Variants in KDM1B observed in about 807,000 individuals in gnomAD.
KDM1B encodes lysine-specific histone demethylase 2.
In KDM1B, 63 loss-of-function variants were observed where a neutral mutation model predicts 107.4. The ratio of observed to expected loss-of-function variants is 0.59; its 90% CI spans 0.48 to 0.72. KDM1B has a LOEUF of 0.72. Ranked by LOEUF, KDM1B falls within the 30% of genes least tolerant of loss-of-function variation. The probability of loss-of-function intolerance (pLI) is 0.00; values close to 1 mark genes in which losing one functional copy is unlikely to be tolerated. For synonymous variants in KDM1B, 363 were observed against 363.9 expected (o/e 1.00, Z 0.03); for missense variants, 749 against 1,020.8 (o/e 0.73, Z 3.63).
At chr6:18,210,342 CTTTTTTTTTT>C (rs533016543) in intron 17 of KDM1B, among the ~76,000 whole-genome samples, 8 of 70,012 alleles carry the variant, frequency 1.1e-4, no homozygotes, top group African/African-American at 1.6e-4. Context: ...TCTTTCTTTT[CTTTTTTTTTT>C]TTTTTTTTTT....
At position 18,206,199 on chromosome 6, in the gene KDM1B, G is replaced by GT. The variant is rs1408945345; in HGVS notation, c.1659+536dup. ...AGAAACTCTTCTTCAGATAATGCTT[G>GT]TGAAAGAAGCTCAATACGTAAAAAC... On this transcript the variant is annotated intron_variant, in intron 15 of 21. Transcript: ENST00000650836. 2.0e-5 allele frequency among the ~76,000 whole-genome samples: 3 copies of GT among 148,230 alleles called. No individual in the cohort carries two copies. In the South Asian group the frequency reaches 6.6e-4, roughly 32 times the overall value.
rs1784850425 is a variant in KDM1B at position 18,159,776 on chromosome 6, GCAATCTGA to G, written c.-13-104_-13-97del. The G allele has an allele frequency of 1.5e-6, 1 of 645,630 alleles. No individual in the cohort carries two copies. Among genetic ancestry groups the G allele is most frequent in the African/African-American group, 1.9e-5 (1 of 52,956 alleles). The allele number at this position is 645,630 out of a possible 1,614,324, so 40.0% of individuals were successfully genotyped here. Reference sequence around the variant, plus strand: ...AAGAAAACTGTAGCTTTGTATTTAGGCAATCTGACATACATTCTTACCTACCAAAGTGT... The same window carrying G: ...AAGAAAACTGTAGCTTTGTATTTAGGCATACATTCTTACCTACCAAAGTGT... On this transcript the variant is annotated intron_variant, in intron 2 of 21. Transcript: ENST00000650836. This position sits in a 1 kb window ranked among gnomAD's most constrained non-coding sequence, Gnocchi z 4.5.
chr6:18,165,426 C>T (rs747026073), intron 5 of KDM1B, among the ~76,000 whole-genome samples: 5 of 152,012 alleles, frequency 3.3e-5, no homozygotes, highest in Non-Finnish European at 2.9e-5. Flanking sequence ...CACCGTACCC[C>T]GCCGCCTTCT....
intron 7 of KDM1B, among the ~76,000 whole-genome samples, chr6:18,178,072 AATTG>A (rs772415493): frequency 1.4e-4 from 22 of 151,942 alleles, no homozygotes; most frequent in African/African-American, 2.9e-4. Flanking sequence ...TTGTAGATAA[AATTG>A]ATTGATTGAT....
chr6:18,187,030 T>C (rs928103080), intron 8 of KDM1B, among the ~76,000 whole-genome samples: 1 of 150,612 alleles, frequency 6.6e-6, no homozygotes, highest in African/African-American at 2.5e-5. Context: ...AATAGACATT[T>C]TTTTTTTCCC....
At chr6:18,219,865 T>C (rs991064552) in intron 21 of KDM1B, among the ~76,000 whole-genome samples, 11 of 152,248 alleles carry the variant, frequency 7.2e-5, no homozygotes, top group Non-Finnish European at 1.6e-4. Context: ...GGAAGCTTCA[T>C]TGTTAGTTAT....
At position 18,204,765 on chromosome 6, in the gene KDM1B, C is replaced by T. The variant is rs1394771275; in HGVS notation, c.1532-772C>T. On this transcript the variant is annotated intron_variant, in intron 14 of 21. Transcript: ENST00000650836. The surrounding 1 kb of genome is among the most constrained non-coding windows in gnomAD (Gnocchi z 4.9). ...GAGAAATTCTGGGGGCTTGCCACGGCCCGGTGATGCCCGACTATAAAGAAT... is the reference window on the plus strand; with the variant it reads ...GAGAAATTCTGGGGGCTTGCCACGGTCCGGTGATGCCCGACTATAAAGAAT... 6.6e-6 allele frequency among the ~76,000 whole-genome samples: 1 copy of T among 152,120 alleles called. No homozygotes were observed. The highest frequency in any genetic ancestry group is 2.4e-5 in the African/African-American group (1 of 41,432).
intron 5 of KDM1B, among the ~76,000 whole-genome samples, chr6:18,166,049 A>G (rs1322341156): frequency 1.3e-5 from 2 of 152,086 alleles, no homozygotes; most frequent in Non-Finnish European, 2.9e-5. Flanking sequence ...CTTTCAAATA[A>G]CACTATGCCT....
chr6:18,192,506 G>A (rs1284215997), intron 10 of KDM1B, among the ~76,000 whole-genome samples: 1 of 152,154 alleles, frequency 6.6e-6, no homozygotes, highest in East Asian at 1.9e-4. Flanking sequence ...TGAGTAGGCT[G>A]TGCGAGGTAG....
At chr6:18,194,456 T>C (rs940042138) in intron 10 of KDM1B, among the ~76,000 whole-genome samples, 1 of 152,188 alleles carries the variant, frequency 6.6e-6, no homozygotes, top group Non-Finnish European at 1.5e-5. Context: ...ATGCACCTGC[T>C]GCAGTCGTTC....
chr6:18,195,993 C>T (rs981798930), intron 10 of KDM1B, among the ~76,000 whole-genome samples: 2 of 152,030 alleles, frequency 1.3e-5, no homozygotes, highest in African/African-American at 4.8e-5. Context: ...CCGCTATTCC[C>T]CCTCCCCTCA....
At chr6:18,189,012 G>A (rs1226057634) in intron 9 of KDM1B, among the ~76,000 whole-genome samples, 1 of 151,948 alleles carries the variant, frequency 6.6e-6, no homozygotes, top group Non-Finnish European at 1.5e-5. Context: ...TCGAACTTCT[G>A]ACCTCAAGTG....
At chr6:18,208,924 G>A (rs963181818) in intron 17 of KDM1B, among the ~76,000 whole-genome samples, 18 of 151,562 alleles carry the variant, frequency 1.2e-4, no homozygotes, top group Non-Finnish European at 2.4e-4. Flanking sequence ...AAAGTGCTGG[G>A]GTAACAGGCG....
Position 18,185,795 on chromosome 6 carries a change from C to T in KDM1B, c.558C>T (p.Ser186=), listed in dbSNP as rs185577257. The T allele has an allele frequency of 1.9e-6, 3 of 1,613,834 alleles. No individual in the cohort carries two copies. Among genetic ancestry groups the T allele is most frequent in the East Asian group, 4.5e-5 (2 of 44,854 alleles). Residue 186 remains serine, a synonymous_variant, in exon 8 of 22, where the codon TCC becomes TCT. Coordinates refer to ENST00000650836, the MANE Select transcript of KDM1B (RefSeq NM_001364614.2). ...AIKPETSDHC[S]LPEDLRVLEV... Reference sequence around the variant, plus strand: ...AGCCTGAGACCTCAGATCATTGTTCCCTCCCAGAGGATCTAGTGAGTATTT... The same window carrying T: ...AGCCTGAGACCTCAGATCATTGTTCTCTCCCAGAGGATCTAGTGAGTATTT...
Position 18,212,165 on chromosome 6 carries a change from G to C in KDM1B, c.1867-323G>C. On this transcript the variant is annotated intron_variant, in intron 17 of 21. Coordinates refer to ENST00000650836, the MANE Select transcript of KDM1B (RefSeq NM_001364614.2). This position sits in a 1 kb window ranked among gnomAD's most constrained non-coding sequence, Gnocchi z 5.2. The stretch of plus-strand genomic sequence containing the variant: ...TCACCATGTTGGCCAGGCTGGTCTT[G>C]AACTCCTGACCTCAGGTGATCCACC... 2 of 234,428 alleles carry C rather than the reference G, an allele frequency of 8.5e-6. No homozygotes were observed. The highest frequency in any genetic ancestry group is 1.6e-3 in the Middle Eastern group (1 of 614). 14.5% of individuals were successfully genotyped at this position (234,428 alleles called of 1,614,324 possible). A position where few individuals can be genotyped will look rare whatever the true frequency, so the allele number is the denominator to read the frequency against.
rs1238265807 is a variant in KDM1B, at chr6:18,214,967, A to G, written c.2110-40A>G. 3 of 1,602,492 alleles carry G rather than the reference A, an allele frequency of 1.9e-6. No homozygotes were observed. Among genetic ancestry groups the G allele is most frequent in the Admixed American group, 3.5e-5 (2 of 57,348 alleles). The stretch of plus-strand genomic sequence containing the variant: ...AAGAGGCCCTTATCTGTGGGAGCTG[A>G]GCACTCACAGACCTCCTGCTTTTCC... On this transcript the variant is annotated intron_variant, in intron 19 of 21. Coordinates refer to ENST00000650836, the MANE Select transcript of KDM1B (RefSeq NM_001364614.2). The surrounding 1 kb of genome is among the most constrained non-coding windows in gnomAD (Gnocchi z 4.4).
At chr6:18,163,855 T>C (rs1785120106) in intron 5 of KDM1B, among the ~76,000 whole-genome samples, 1 of 152,174 alleles carries the variant, frequency 6.6e-6, no homozygotes, top group Non-Finnish European at 1.5e-5. Context: ...TGTATCTTGG[T>C]AAATGTCCTG....
chr6:18,183,044 T>C (rs1786582773), intron 7 of KDM1B, among the ~76,000 whole-genome samples: 1 of 152,170 alleles, frequency 6.6e-6, no homozygotes, highest in African/African-American at 2.4e-5. Flanking sequence ...TAGATGCTAT[T>C]GTTTTAATGT....
chr6:18,217,535 T>A (rs962294933), intron 20 of KDM1B, among the ~76,000 whole-genome samples, 198 bp from the exon 21 acceptor site: 1 of 151,962 alleles, frequency 6.6e-6, no homozygotes, highest in Non-Finnish European at 1.5e-5. Context: ...CCTGCCATCA[T>A]GCCTGGCTAA....
Sources: allele counts gnomAD v4.1 joint callset (sites outside exome capture counted in the v4.1 genomes callset), GRCh38; gene constraint gnomAD v4.1.1; non-coding constraint Gnocchi (gnomAD v3.1); transcripts MANE v1.5; gene names NCBI Gene and HGNC (gene_info 2026-07-23, HGNC 2026-07-21).